Variants in ADAMTS19 observed in about 807,000 individuals in gnomAD.
The protein encoded by ADAMTS19 is ADAM metallopeptidase with thrombospondin type 1 motif 19.
A neutral mutation model predicts 153.3 loss-of-function variants in ADAMTS19; 93 were observed. The ratio of observed to expected loss-of-function variants is 0.61; its 90% CI spans 0.51 to 0.72. The LOEUF is 0.72. ADAMTS19 is among the 30% of genes least tolerant of loss of function. The probability of loss-of-function intolerance (pLI) is 0.00; values close to 1 mark genes in which losing one functional copy is unlikely to be tolerated. For synonymous variants in ADAMTS19, 600 were observed against 556.6 expected, an observed-to-expected ratio of 1.08 and a Z score of -1.10; for missense variants, 1,482 against 1,552.1, an observed-to-expected ratio of 0.95 and a Z score of 0.76.
At chr5:129,640,203 T>C (rs1025617350) in intron 10 of ADAMTS19, among the ~76,000 whole-genome samples, 3 of 152,182 alleles carry the variant, frequency 2.0e-5, no homozygotes, top group African/African-American at 4.8e-5. Context: ...TTGAATTTCA[T>C]TGGATCTGTC....
chr5:129,556,919 A>G lies in ADAMTS19; in HGVS notation c.1372+5012A>G, dbSNP rs192130858. On this transcript the variant is annotated intron_variant, in intron 7 of 22. Transcript: ENST00000274487. Reference sequence around the variant, plus strand: ...GTCTGTGTCAAACTTCTAACCTAGAAAACTGCAAGAAAATAAATTTGGATA... The same window carrying G: ...GTCTGTGTCAAACTTCTAACCTAGAGAACTGCAAGAAAATAAATTTGGATA... Among the ~76,000 whole-genome samples, 148 of 152,310 alleles carry G rather than the reference A, an allele frequency of 9.7e-4. 1 individual carries two copies. Among genetic ancestry groups the G allele is most frequent in the African/African-American group, 3.3e-3 (138 of 41,592 alleles).
At chr5:129,594,119 C>T (rs1001342512) in intron 7 of ADAMTS19, among the ~76,000 whole-genome samples, 3 of 152,078 alleles carry the variant, frequency 2.0e-5, no homozygotes, top group African/African-American at 7.2e-5. Flanking sequence ...ATAAGGAGCT[C>T]AGTATTGCCC....
rs181365711 is a variant in ADAMTS19 at position 129,538,130 on chromosome 5, G to A, written c.1328+9453G>A. Among the ~76,000 whole-genome samples, 330 of 151,804 alleles carry A rather than the reference G, an allele frequency of 2.2e-3. 2 individuals are homozygous for A. Among genetic ancestry groups the A allele is most frequent in the African/African-American group, 7.1e-3 (296 of 41,428 alleles). ...TATTGCTTCTGAGACTAAAGAAGAC[G>A]ATAATCATAATTTGATTACTGATTT... is the stretch of plus-strand genomic sequence containing the variant. On this transcript the variant is annotated intron_variant, in intron 6 of 22. Coordinates refer to ENST00000274487, the MANE Select transcript of ADAMTS19 (RefSeq NM_133638.6).
intron 2 of ADAMTS19, among the ~76,000 whole-genome samples, chr5:129,507,986 T>A: frequency 6.6e-6 from 1 of 151,942 alleles, no homozygotes; most frequent in East Asian, 1.9e-4. Flanking sequence ...TTAAAAAAAA[T>A]TCTGCTATAC....
intron 18 of ADAMTS19, among the ~76,000 whole-genome samples, chr5:129,684,565 A>G (rs1754987976): frequency 6.8e-6 from 1 of 147,250 alleles, no homozygotes; most frequent in African/African-American, 2.5e-5. Flanking sequence ...ATTTGTTTAC[A>G]GGGGCCTCCC....
In ADAMTS19 at chr5:129,461,922, A is replaced by C. The variant is rs1466699007; in HGVS notation, c.747+165A>C. 6.6e-6 allele frequency among the ~76,000 whole-genome samples: 1 copy of C among 152,204 alleles called. No individual in the cohort carries two copies. Among genetic ancestry groups the C allele is most frequent in the South Asian group, 2.1e-4 (1 of 4,834 alleles). On this transcript the variant is annotated intron_variant, in intron 2 of 22. Coordinates refer to ENST00000274487, the MANE Select transcript of ADAMTS19 (RefSeq NM_133638.6). This position sits in a 1 kb window ranked among gnomAD's most constrained non-coding sequence, Gnocchi z 4.6. ...CTACATCGTTTGCCTCCCATGGAAC[A>C]TCTCCAGGGCAGTTGTGTAAATCGG...
chr5:129,474,148 A>G (rs1303189134), intron 2 of ADAMTS19, among the ~76,000 whole-genome samples: 2 of 152,162 alleles, frequency 1.3e-5, no homozygotes, highest in African/African-American at 2.4e-5. Context: ...GTAATCATAT[A>G]AAATTTGGTC....
In ADAMTS19 at chr5:129,622,271, C is replaced by G. The variant is rs1167913410; in HGVS notation, c.1693C>G (p.Pro565Ala). The G allele has an allele frequency of 3.1e-6, 5 of 1,614,038 alleles. No individual in the cohort carries two copies. The highest frequency in any genetic ancestry group is 4.2e-6 in the Non-Finnish European group (5 of 1,179,994). The change falls in exon 10 of 23, where the codon CCA becomes GCA. Residue 565 changes from proline (P) to alanine (A), a missense_variant. Pro to Ala is a conservative substitution (Grantham distance 27, BLOSUM62 -1). Coordinates refer to ENST00000274487, the MANE Select transcript of ADAMTS19 (RefSeq NM_133638.6). ...TTCTGTGATGGTTCCCTCCAAGCTG[C>G]CAGGGATGACATACACTGCTGATGA... Reference protein sequence around the residue: ...VNSVMVPSKLPGMTYTADEQC... With the variant: ...VNSVMVPSKLAGMTYTADEQC...
In ADAMTS19 at chr5:129,461,392, C is replaced by G. The variant is rs1463706094; in HGVS notation, c.382C>G (p.Leu128Val). 37 of 1,353,556 alleles carry G rather than the reference C, an allele frequency of 2.7e-5. No individual in the cohort carries two copies. The East Asian group carries it at 1.1e-3, about 41-fold the overall frequency. The allele number at this position is 1,353,556 out of a possible 1,614,324, so 83.8% of individuals were successfully genotyped here. A position where few individuals can be genotyped will look rare whatever the true frequency, so the allele number is the denominator to read the frequency against. ...EEDEELESQE[L>V]PRGSSGAAAL... ...GGACGAGGAGCTCGAGTCGCAGGAG[C>G]TGCCGCGGGGATCCAGCGGGGCTGC... Residue 128 changes from leucine to valine, a missense_variant, in exon 2 of 23, where the codon CTG (leucine) becomes GTG (valine). Around this residue, in one of 2 missense-constraint regions of ADAMTS19, gnomAD observed 866 missense variants for 827.7 expected, o/e 1.05. Coordinates refer to ENST00000274487, the MANE Select transcript of ADAMTS19 (RefSeq NM_133638.6). The surrounding 1 kb of genome is among the most constrained non-coding windows in gnomAD (Gnocchi z 4.6).
chr5:129,701,081 T>C (rs1215889505), intron 19 of ADAMTS19, among the ~76,000 whole-genome samples: 3 of 151,044 alleles, frequency 2.0e-5, no homozygotes, highest in Non-Finnish European at 2.9e-5. Flanking sequence ...TGGGGGTGGG[T>C]CTTTCCCGTG....
intron 2 of ADAMTS19, among the ~76,000 whole-genome samples, chr5:129,476,481 T>A (rs1750231849): frequency 6.6e-6 from 1 of 152,002 alleles, no homozygotes. Context: ...TACGGACAAA[T>A]GAACAAAACC....
At chr5:129,731,766 A>T (rs2862757) in intron 21 of ADAMTS19, among the ~76,000 whole-genome samples, 1 of 152,138 alleles carries the variant, frequency 6.6e-6, no homozygotes, top group Non-Finnish European at 1.5e-5. Context: ...ATTACAAATG[A>T]TATGTCTGTA....
At chr5:129,686,998 T>G (rs2127134059) in intron 18 of ADAMTS19, among the ~76,000 whole-genome samples, 1 of 152,110 alleles carries the variant, frequency 6.6e-6, no homozygotes, top group East Asian at 1.9e-4. Context: ...GCACCCAAAT[T>G]CGCAAATTCC....
chr5:129,485,799 T>C (rs1750569687), intron 2 of ADAMTS19, among the ~76,000 whole-genome samples: 1 of 152,096 alleles, frequency 6.6e-6, no homozygotes, highest in Non-Finnish European at 1.5e-5. Flanking sequence ...CATTTATTTA[T>C]TTATTTATTT....
intron 15 of ADAMTS19, among the ~76,000 whole-genome samples, chr5:129,659,006 G>A (rs1268700411): frequency 2.0e-5 from 3 of 152,284 alleles, no homozygotes; most frequent in Non-Finnish European, 2.9e-5. Flanking sequence ...ATTGGCTAAT[G>A]TTATCAGGTT....
intron 8 of ADAMTS19, among the ~76,000 whole-genome samples, chr5:129,604,878 A>G (rs1201852175): frequency 6.6e-6 from 1 of 152,170 alleles, no homozygotes; most frequent in Non-Finnish European, 1.5e-5. Context: ...CCCCAGCCCT[A>G]AAAGTGTTGC....
chr5:129,599,834 A>G (rs988633362), intron 8 of ADAMTS19, among the ~76,000 whole-genome samples: 3 of 152,172 alleles, frequency 2.0e-5, no homozygotes, highest in Non-Finnish European at 1.5e-5. Context: ...GAGATGTGCC[A>G]AAGGTATGTG....
chr5:129,684,179 C>A lies in ADAMTS19; in HGVS notation c.2724C>A (p.Asp908Glu), dbSNP rs571377655. 3.7e-6 allele frequency: 6 copies of A among 1,614,122 alleles called. No homozygotes were observed. In the East Asian group the frequency reaches 1.3e-4, roughly 36 times the overall value. The change falls in exon 18 of 23, where the codon GAC (aspartate) becomes GAA (glutamate). Residue 908 changes from aspartate to glutamate, a missense_variant. By Grantham distance (45) the Asp-to-Glu change is conservative. This residue lies in a region of ADAMTS19 where 616 missense variants were observed against 724.4 expected (regional missense o/e 0.85). Coordinates refer to ENST00000274487, the MANE Select transcript of ADAMTS19 (RefSeq NM_133638.6). Reference sequence around the variant, plus strand: ...ACTATGAATACACTATCCCATCAGACCCTCTTCCAGAAAACCAGAGCTCTA... The same window carrying A: ...ACTATGAATACACTATCCCATCAGAACCTCTTCCAGAAAACCAGAGCTCTA... ...GLHYEYTIPS[D>E]PLPENQSSKA...
intron 10 of ADAMTS19, among the ~76,000 whole-genome samples, chr5:129,633,640 C>A (rs1453766301): frequency 6.6e-6 from 1 of 152,112 alleles, no homozygotes; most frequent in Non-Finnish European, 1.5e-5. Flanking sequence ...AGTTTGCTGA[C>A]CCCTGTTGTA....
Sources: allele counts gnomAD v4.1 joint callset (sites outside exome capture counted in the v4.1 genomes callset), GRCh38; gene constraint gnomAD v4.1.1; regional missense constraint gnomAD v4.1.1; non-coding constraint Gnocchi (gnomAD v3.1); transcripts MANE v1.5; gene names NCBI Gene and HGNC (gene_info 2026-07-23, HGNC 2026-07-21).